Variants in LRIF1 observed in about 807,000 individuals in gnomAD.
LRIF1 encodes the protein ligand-dependent nuclear receptor-interacting factor 1.
LRIF1 carries 32 observed loss-of-function variants against 52.7 expected under a neutral mutation model. That is an observed-to-expected ratio of 0.61 (90% confidence interval 0.46 to 0.82). LRIF1 has a LOEUF of 0.82. LRIF1 is among the 40% of genes least tolerant of loss of function. The probability of loss-of-function intolerance (pLI) is 0.00; values close to 1 mark genes in which losing one functional copy is unlikely to be tolerated. For synonymous variants in LRIF1, 323 were observed against 317.4 expected (o/e 1.02, Z -0.19); for missense variants, 887 against 892.0 (o/e 0.99, Z 0.07).
At chr1:110,927,208 A>T in the LRIF1 span, among the ~76,000 whole-genome samples, 1 of 152,150 alleles carries the variant, frequency 6.6e-6, no homozygotes, top group African/African-American at 2.4e-5. Context: ...GTGTATAGTT[A>T]CGTTTCAATC....
chr1:110,895,979 C>T, the LRIF1 span, among the ~76,000 whole-genome samples: 3 of 152,200 alleles, frequency 2.0e-5, no homozygotes, highest in African/African-American at 4.8e-5. Context: ...TTAAATTTCC[C>T]TAATTTTCTC....
At chr1:110,912,338 A>C in the LRIF1 span, among the ~76,000 whole-genome samples, 58 of 152,148 alleles carry the variant, frequency 3.8e-4, no homozygotes, top group African/African-American at 1.4e-3. Context: ...CAGCCTCCCA[A>C]GTAGTTGGGA....
rs1658255033 is a variant in LRIF1, at chr1:110,947,635, G to C, written c.*324C>G. ...TATCTACTGCTGGAATAATGCCTGAGCAATTTAGGTAAAGATACAAACAAT... is the reference window on the plus strand; with the variant it reads ...TATCTACTGCTGGAATAATGCCTGACCAATTTAGGTAAAGATACAAACAAT... On this transcript the variant is annotated 3_prime_UTR_variant, in exon 4 of 4. Coordinates refer to ENST00000369763, the MANE Select transcript of LRIF1 (RefSeq NM_018372.4). The C allele has an allele frequency of 5.3e-6, 1 of 187,282 alleles. No individual in the cohort carries two copies. The highest frequency in any genetic ancestry group is 1.1e-5 in the Non-Finnish European group (1 of 90,982). 11.6% of individuals were successfully genotyped at this position (187,282 alleles called of 1,614,324 possible). A position where few individuals can be genotyped will look rare whatever the true frequency, so the allele number is the denominator to read the frequency against.
chr1:110,946,653 T>C (rs1279396402), downstream of LRIF1, among the ~76,000 whole-genome samples: 1 of 45,238 alleles, frequency 2.2e-5, no homozygotes, highest in African/African-American at 6.7e-5. Context: ...ATTTGATCCT[T>C]TTTTTTTTTT....
chr1:110,942,517 C>G (rs1191801958), downstream of LRIF1, among the ~76,000 whole-genome samples: 1 of 151,974 alleles, frequency 6.6e-6, no homozygotes, highest in Admixed American at 6.6e-5. Context: ...CTGGTAGAAG[C>G]AGAGAGACAG....
chr1:110,958,084 T>G (rs1658780582), intron 1 of LRIF1, among the ~76,000 whole-genome samples: 1 of 152,206 alleles, frequency 6.6e-6, no homozygotes, highest in Admixed American at 6.5e-5. Context: ...TGTTATCTCT[T>G]GTTCAAAGTT....
the LRIF1 span, among the ~76,000 whole-genome samples, chr1:110,925,132 T>G: frequency 2.0e-5 from 3 of 152,226 alleles, no homozygotes; most frequent in Non-Finnish European, 4.4e-5. Context: ...GATGTTTATG[T>G]GAAGGTTTTT....
At chr1:110,897,465 G>A in the LRIF1 span, among the ~76,000 whole-genome samples, 3 of 152,292 alleles carry the variant, frequency 2.0e-5, no homozygotes, top group African/African-American at 7.2e-5. Context: ...ACCAATTTTA[G>A]TATTGCATGC....
chr1:110,926,663 T>C, the LRIF1 span, among the ~76,000 whole-genome samples: 3 of 152,156 alleles, frequency 2.0e-5, no homozygotes, highest in South Asian at 2.1e-4. Flanking sequence ...TGCTTAGAGA[T>C]TGCATCTCTC....
chr1:110,904,262 C>T, the LRIF1 span, among the ~76,000 whole-genome samples: 3 of 152,174 alleles, frequency 2.0e-5, no homozygotes, highest in Non-Finnish European at 2.9e-5. Context: ...ATTGTAGAGC[C>T]CCAGGGCATT....
chr1:110,954,069 G>A (rs1658596206), intron 1 of LRIF1, among the ~76,000 whole-genome samples: 1 of 151,798 alleles, frequency 6.6e-6, no homozygotes, highest in Non-Finnish European at 1.5e-5. Flanking sequence ...AAAGTTCAAG[G>A]GCAAATAATA....
At chr1:110,922,327 G>A in the LRIF1 span, among the ~76,000 whole-genome samples, 1 of 152,174 alleles carries the variant, frequency 6.6e-6, no homozygotes, top group Admixed American at 6.6e-5. Flanking sequence ...GATGAGTTCA[G>A]CCTTCTTCCC....
the LRIF1 span, among the ~76,000 whole-genome samples, chr1:110,909,275 T>C: frequency 7.4e-4 from 113 of 152,228 alleles, no homozygotes; most frequent in African/African-American, 2.6e-3. Context: ...AAAAACACAC[T>C]TAAATACATA....
At position 110,963,720 on chromosome 1, in the gene LRIF1, G is replaced by C. The variant is rs145291151; in HGVS notation, c.-32C>G. ...GGGGAGAAAGGGGACACCTCATCCA[G>C]AAAAGTGGGAAGCGTGGGGCCGAGT... On this transcript the variant is annotated 5_prime_UTR_variant, in exon 1 of 4. Transcript: ENST00000369763. 8 of 1,556,966 alleles carry C rather than the reference G, an allele frequency of 5.1e-6. No homozygotes were observed. In the Admixed American group the frequency reaches 1.2e-4, roughly 24 times the overall value.
the LRIF1 span, chr1:110,880,144 C>T: frequency 1.3e-5 from 2 of 152,186 alleles, no homozygotes; most frequent in Middle Eastern, 3.4e-3. Flanking sequence ...TTGCATAGAA[C>T]CATGAGTCAT....
the LRIF1 span, among the ~76,000 whole-genome samples, chr1:110,925,185 A>G: frequency 6.6e-6 from 1 of 152,210 alleles, no homozygotes; most frequent in Admixed American, 6.5e-5. Flanking sequence ...TGGGTAAAGC[A>G]GATTTCCCTC....
At chr1:110,887,435 C>A in the LRIF1 span, among the ~76,000 whole-genome samples, 1 of 152,282 alleles carries the variant, frequency 6.6e-6, no homozygotes, top group South Asian at 2.1e-4. Context: ...TTTCATCTAT[C>A]GCCATATTAT....
At position 110,952,672 on chromosome 1, in the gene LRIF1, T is replaced by C; in HGVS notation, c.212A>G (p.Asn71Ser). The C allele has an allele frequency of 5.0e-6, 8 of 1,614,110 alleles. No homozygotes were observed. Among genetic ancestry groups the C allele is most frequent in the Non-Finnish European group, 6.8e-6 (8 of 1,179,988 alleles). The stretch of plus-strand genomic sequence containing the variant: ...AGTAACTTGAACTGGTTTTCCTGTA[T>C]TCCCTTTCAAAGCATCAGACATGAC... ...SSVMSDALKG[N>S]TGKPVQVTFQ... is the part of the protein sequence containing the mutation. The change falls in exon 2 of 4, where the codon AAT (asparagine) becomes AGT (serine). Residue 71 changes from asparagine (N) to serine (S), a missense_variant. Physicochemically the swap from Asn to Ser is conservative, Grantham distance 46 (BLOSUM62 1). Coordinates refer to ENST00000369763, the MANE Select transcript of LRIF1 (RefSeq NM_018372.4).
the LRIF1 span, among the ~76,000 whole-genome samples, chr1:110,904,726 C>T: frequency 5.3e-5 from 8 of 152,232 alleles, no homozygotes; most frequent in African/African-American, 1.7e-4. Context: ...CTTCTATGCT[C>T]GGACACTAAA....
Sources: allele counts gnomAD v4.1 joint callset (sites outside exome capture counted in the v4.1 genomes callset), GRCh38; gene constraint gnomAD v4.1.1; transcripts MANE v1.5; gene names NCBI Gene and HGNC (gene_info 2026-07-23, HGNC 2026-07-21).